Variants in ITFG1 observed in about 807,000 individuals in gnomAD.
ITFG1 encodes the protein T-cell immunomodulatory protein.
In ITFG1, 34 loss-of-function variants were observed where a neutral mutation model predicts 81.8. The observed-to-expected ratio is 0.42, with a 90% confidence interval of 0.32 to 0.55. ITFG1 has a LOEUF of 0.55. Ranked by LOEUF, ITFG1 falls within the 20% of genes least tolerant of loss-of-function variation. ITFG1 has a pLI of 0.17. For synonymous variants in ITFG1, 285 were observed against 270.6 expected (o/e 1.05, Z -0.52); for missense variants, 672 against 755.4 (o/e 0.89, Z 1.29).
At chr16:47,169,739 G>A (rs1443581863) in intron 14 of ITFG1, among the ~76,000 whole-genome samples, 1 of 152,172 alleles carries the variant, frequency 6.6e-6, no homozygotes, top group Non-Finnish European at 1.5e-5. Flanking sequence ...AGGAGTGAAA[G>A]TGGGCATCCT....
rs1033782515 is a variant in ITFG1, at chr16:47,182,646, A to G, written c.1454-19982T>C. Among the ~76,000 whole-genome samples, 10 of 152,254 alleles carry G rather than the reference A, an allele frequency of 6.6e-5. 1 individual carries two copies. Among genetic ancestry groups the G allele is most frequent in the Admixed American group, 1.3e-4 (2 of 15,286 alleles). ...TAATGGAATGTTTCCTCATTTGTAG[A>G]ATTAGAATAACTATAGCAAACAGTA... On this transcript the variant is annotated intron_variant, in intron 14 of 17. Transcript: ENST00000320640.
chr16:47,180,467 C>A (rs1039466741), intron 14 of ITFG1, among the ~76,000 whole-genome samples: 1 of 151,912 alleles, frequency 6.6e-6, no homozygotes, highest in South Asian at 2.1e-4. Flanking sequence ...CATCTCGGCT[C>A]ACTGCAATCT....
intron 10 of ITFG1, among the ~76,000 whole-genome samples, chr16:47,296,496 C>T (rs1049620581): frequency 6.6e-6 from 1 of 152,120 alleles, no homozygotes; most frequent in Non-Finnish European, 1.5e-5. Flanking sequence ...AGTGCAGTGG[C>T]ACAATCTCGG....
At chr16:47,443,408 A>G (rs1407705576) in intron 5 of ITFG1, among the ~76,000 whole-genome samples, 5 of 152,206 alleles carry the variant, frequency 3.3e-5, no homozygotes, top group Admixed American at 2.6e-4. Flanking sequence ...GTATATACCC[A>G]AAGGATTATA....
chr16:47,345,291 CT>C (rs113155280), intron 8 of ITFG1, among the ~76,000 whole-genome samples: 14,755 of 145,184 alleles, frequency 0.1, 1,476 homozygotes, highest in African/African-American at 0.26. Flanking sequence ...CAAAAAAACT[CT>C]TTTTTTTTTT....
intron 10 of ITFG1, among the ~76,000 whole-genome samples, chr16:47,298,233 A>G (rs1238006981): frequency 6.6e-6 from 1 of 152,060 alleles, no homozygotes; most frequent in African/African-American, 2.4e-5. Context: ...TAATTTGTTG[A>G]TTCATCAGTA....
At chr16:47,198,855 C>T (rs1334253099) in intron 14 of ITFG1, among the ~76,000 whole-genome samples, 3 of 152,044 alleles carry the variant, frequency 2.0e-5, no homozygotes, top group African/African-American at 7.2e-5. Flanking sequence ...TGAACAATGT[C>T]TTTGTGTTTT....
Position 47,188,696 on chromosome 16 carries a change from A to G in ITFG1, c.1454-26032T>C, listed in dbSNP as rs1338134124. On this transcript the variant is annotated intron_variant, in intron 14 of 17. Coordinates refer to ENST00000320640, the MANE Select transcript of ITFG1 (RefSeq NM_030790.5). ...GATGACGAGTTAGTGGGTGCAGCGC[A>G]TCAGCATGTCACATGTATACATACG... Among the ~76,000 whole-genome samples the G allele has an allele frequency of 4.0e-5, 6 of 151,578 alleles. No individual in the cohort carries two copies. In the East Asian group the frequency reaches 1.2e-3, roughly 29 times the overall value.
intron 14 of ITFG1, among the ~76,000 whole-genome samples, chr16:47,194,820 A>G (rs1253487871): frequency 6.6e-6 from 1 of 152,084 alleles, no homozygotes; most frequent in Non-Finnish European, 1.5e-5. Flanking sequence ...TCAACCCATC[A>G]TCTAGGTTTC....
intron 7 of ITFG1, among the ~76,000 whole-genome samples, chr16:47,374,006 C>T (rs965202600): frequency 6.6e-6 from 1 of 152,186 alleles, no homozygotes; most frequent in Non-Finnish European, 1.5e-5. Context: ...AAGATTATCT[C>T]CTTGACCAAA....
In ITFG1 at chr16:47,451,398, T is replaced by C. The variant is rs773980745; in HGVS notation, c.558A>G (p.Gly186=). ...NESNQPQILL[G]GNLSWHPALT... Reference sequence around the variant, plus strand: ...TAGTTATAACCATATTTACTCACCCTCCTAATAGTATCTGTGGCTGGTTGG... The same window carrying C: ...TAGTTATAACCATATTTACTCACCCCCCTAATAGTATCTGTGGCTGGTTGG... Residue 186 remains glycine, a splice_region_variant and synonymous_variant, in exon 5 of 18, where the codon GGA becomes GGG. Transcript: ENST00000320640. The C allele has an allele frequency of 3.9e-6, 6 of 1,522,196 alleles. No individual in the cohort carries two copies. The highest frequency in any genetic ancestry group is 5.5e-6 in the Non-Finnish European group (6 of 1,097,904). The allele number at this position is 1,522,196 out of a possible 1,614,324, so 94.3% of individuals were successfully genotyped here.
intron 12 of ITFG1, among the ~76,000 whole-genome samples, chr16:47,252,704 T>C (rs1334857121): frequency 6.6e-6 from 1 of 152,168 alleles, no homozygotes; most frequent in Non-Finnish European, 1.5e-5. Flanking sequence ...TGGCCACATA[T>C]AAAAGCTTAA....
chr16:47,381,356 T>G (rs570600415), intron 6 of ITFG1, among the ~76,000 whole-genome samples: 2 of 152,202 alleles, frequency 1.3e-5, no homozygotes. Flanking sequence ...AGAAAAATAT[T>G]CCGATGGAAA....
At chr16:47,352,138 A>T (rs1024400969) in intron 8 of ITFG1, among the ~76,000 whole-genome samples, 1 of 152,224 alleles carries the variant, frequency 6.6e-6, no homozygotes, top group Non-Finnish European at 1.5e-5. Flanking sequence ...CATTCGGGAC[A>T]TTGGCATGGG....
intron 14 of ITFG1, among the ~76,000 whole-genome samples, chr16:47,172,934 T>A (rs1322194543): frequency 1.3e-5 from 2 of 152,312 alleles, no homozygotes; most frequent in East Asian, 3.9e-4. Flanking sequence ...CATTTAACTG[T>A]GTCTTCATTT....
intron 8 of ITFG1, among the ~76,000 whole-genome samples, chr16:47,352,297 G>A (rs1409381189): frequency 3.3e-5 from 5 of 152,162 alleles, no homozygotes; most frequent in Non-Finnish European, 5.9e-5. Context: ...GAAAAGTTTT[G>A]CAATCTACTC....
intron 8 of ITFG1, among the ~76,000 whole-genome samples, chr16:47,335,243 G>T (rs8058408): frequency 0.02 from 3,070 of 152,238 alleles, 104 homozygotes; most frequent in African/African-American, 0.07. Context: ...TGTAATCCCA[G>T]CTACTAGGGA....
chr16:47,215,696 T>C (rs1005390360), intron 14 of ITFG1, among the ~76,000 whole-genome samples: 21 of 152,334 alleles, frequency 1.4e-4, no homozygotes, highest in African/African-American at 4.6e-4. Context: ...ATTTGGATTT[T>C]ACATGCAGAT....
chr16:47,379,190 A>G (rs1340136696), intron 6 of ITFG1, among the ~76,000 whole-genome samples: 1 of 152,144 alleles, frequency 6.6e-6, no homozygotes, highest in African/African-American at 2.4e-5. Context: ...GGGCCATTCC[A>G]CATTCAGAGC....
Sources: allele counts gnomAD v4.1 joint callset (sites outside exome capture counted in the v4.1 genomes callset), GRCh38; gene constraint gnomAD v4.1.1; transcripts MANE v1.5; gene names NCBI Gene and HGNC (gene_info 2026-07-23, HGNC 2026-07-21).